Variants in EPHA5 observed in about 807,000 individuals in gnomAD.
EPHA5 encodes EPH receptor A5, also known as ephrin type-A receptor 5.
A neutral mutation model predicts 105.0 loss-of-function variants in EPHA5; 60 were observed. The observed-to-expected ratio is 0.57, with a 90% CI of 0.46 to 0.71. The LOEUF is 0.71. Ranked by LOEUF, EPHA5 falls within the 30% of genes least tolerant of loss-of-function variation. The pLI is 0.00. For synonymous variants in EPHA5, 513 were observed against 449.1 expected, an observed-to-expected ratio of 1.14 and a Z score of -1.80; for missense variants, 1,218 against 1,274.7, an observed-to-expected ratio of 0.96 and a Z score of 0.68.
At chr4:65,335,827 T>G in intron 15 of EPHA5, 105 bp downstream of exon 15, 3 of 1,169,984 alleles carry the variant, frequency 2.6e-6, no homozygotes, top group Non-Finnish European at 3.6e-6. Flanking sequence ...GTCATATAGA[T>G]TCACAGATTA....
In EPHA5 at chr4:65,319,886, T is replaced by C. The variant is rs1282115059; in HGVS notation, c.*4228A>G. The stretch of plus-strand genomic sequence containing the variant: ...ACTTTTAAATAATTGACTGTAAAAC[T>C]ACAGCAGCCTAAAGAGTCATAGATA... On this transcript the variant is annotated 3_prime_UTR_variant, in exon 17 of 17. Transcript: ENST00000613740. 1 of 229,986 alleles carries C rather than the reference T, an allele frequency of 4.3e-6. No individual in the cohort carries two copies. Among genetic ancestry groups the C allele is most frequent in the Admixed American group, 5.7e-5 (1 of 17,622 alleles). 14.2% of individuals were successfully genotyped at this position (229,986 alleles called of 1,614,324 possible).
At chr4:65,553,886 A>G (rs1277898614) in intron 3 of EPHA5, among the ~76,000 whole-genome samples, 3 of 152,042 alleles carry the variant, frequency 2.0e-5, no homozygotes, top group Admixed American at 1.3e-4. Context: ...GCCGCATCCT[A>G]ATAGAAAACT....
chr4:65,547,190 C>G (rs1560679680), intron 3 of EPHA5, among the ~76,000 whole-genome samples: 1 of 151,592 alleles, frequency 6.6e-6, no homozygotes, highest in Admixed American at 6.6e-5. Context: ...ATGGCAATGA[C>G]AGGGCATTCT....
chr4:65,508,120 T>C (rs1018218645), intron 3 of EPHA5, among the ~76,000 whole-genome samples: 2 of 152,130 alleles, frequency 1.3e-5, no homozygotes, highest in Non-Finnish European at 2.9e-5. Context: ...GCAATATTTG[T>C]GTTAACATGA....
At chr4:65,515,203 T>C (rs994610466) in intron 3 of EPHA5, among the ~76,000 whole-genome samples, 5 of 152,180 alleles carry the variant, frequency 3.3e-5, no homozygotes, top group African/African-American at 9.7e-5. Context: ...CCTCTGTCAC[T>C]TTATCTATTA....
chr4:65,545,079 G>C (rs756584447), intron 3 of EPHA5, among the ~76,000 whole-genome samples: 1 of 151,746 alleles, frequency 6.6e-6, no homozygotes, highest in Non-Finnish European at 1.5e-5. Context: ...AACTACCATG[G>C]GGGCTATTGT....
intron 3 of EPHA5, among the ~76,000 whole-genome samples, chr4:65,580,527 G>GT (rs1741510253): frequency 1.3e-5 from 2 of 151,820 alleles, no homozygotes; most frequent in Non-Finnish European, 2.9e-5. Flanking sequence ...TTCAAGGGTG[G>GT]TAGAATATTT....
rs372979484 is a variant in EPHA5 at position 65,603,610 on chromosome 4, GGCTCC to G, written c.247-1311_247-1307del. Among the ~76,000 whole-genome samples the G allele has an allele frequency of 6.9e-3, 1,048 of 152,226 alleles. 14 individuals are homozygous for G. The highest frequency in any genetic ancestry group is 0.024 in the African/African-American group (986 of 41,552). On this transcript the variant is annotated intron_variant, in intron 2 of 16. Coordinates refer to ENST00000613740, the MANE Select transcript of EPHA5 (RefSeq NM_001281766.3). ...TGCAAATAAATCTTATACATCAGAT[GGCTCC>G]TCTCGAAATCTAGCTGCAACATCAG...
At chr4:65,364,606 A>C (rs983877685) in intron 11 of EPHA5, among the ~76,000 whole-genome samples, 1 of 151,646 alleles carries the variant, frequency 6.6e-6, no homozygotes, top group African/African-American at 2.4e-5. Flanking sequence ...GAACCTGGCC[A>C]TAAAGAACTG....
At chr4:65,399,867 T>C (rs757119116) in intron 8 of EPHA5, among the ~76,000 whole-genome samples, 138 of 152,220 alleles carry the variant, frequency 9.1e-4, no homozygotes, top group Non-Finnish European at 1.4e-3. Flanking sequence ...TTGAGAAAGG[T>C]TCCAAAAAGA....
chr4:65,574,615 T>C (rs977189860), intron 3 of EPHA5, among the ~76,000 whole-genome samples: 16 of 125,968 alleles, frequency 1.3e-4, no homozygotes, highest in South Asian at 7.1e-4. Context: ...TATATATACA[T>C]ATATATATAT....
At chr4:65,523,762 A>C (rs1474029925) in intron 3 of EPHA5, among the ~76,000 whole-genome samples, 1 of 151,936 alleles carries the variant, frequency 6.6e-6, no homozygotes, top group African/African-American at 2.4e-5. Flanking sequence ...TGCTTCTAGC[A>C]TCTCCTGAGT....
chr4:65,553,049 A>T (rs1201829227), intron 3 of EPHA5, among the ~76,000 whole-genome samples: 1 of 152,058 alleles, frequency 6.6e-6, no homozygotes, highest in Non-Finnish European at 1.5e-5. Context: ...GAGACAATGA[A>T]AATCACAGTT....
chr4:65,453,697 C>T lies in EPHA5; in HGVS notation c.1403-33132G>A, dbSNP rs534910767. ...GCTCCCCCGACCAGTGCTAGTAGTC[C>T]ACTGTGCTTGTGGATAGCCCACCCC... is the stretch of plus-strand genomic sequence containing the variant. On this transcript the variant is annotated intron_variant, in intron 5 of 16. Coordinates refer to ENST00000613740, the MANE Select transcript of EPHA5 (RefSeq NM_001281766.3). Among the ~76,000 whole-genome samples, 95 of 152,272 alleles carry T rather than the reference C, an allele frequency of 6.2e-4. 1 individual carries two copies. In the South Asian group the frequency reaches 9.7e-3, roughly 16 times the overall value.
intron 16 of EPHA5, among the ~76,000 whole-genome samples, chr4:65,325,539 C>A (rs758979986): frequency 2.1e-4 from 32 of 151,048 alleles, no homozygotes; most frequent in South Asian, 4.2e-4. Context: ...AAACAGTAAG[C>A]TTAAAAATTA....
At chr4:65,412,477 ACT>A (rs1453796541) in intron 7 of EPHA5, among the ~76,000 whole-genome samples, 1 of 152,136 alleles carries the variant, frequency 6.6e-6, no homozygotes, top group African/African-American at 2.4e-5. Flanking sequence ...TCTAATAGAT[ACT>A]CTCTACAAAT....
chr4:65,414,925 G>A (rs1033866162), intron 6 of EPHA5, among the ~76,000 whole-genome samples: 5 of 152,094 alleles, frequency 3.3e-5, no homozygotes, highest in Non-Finnish European at 7.4e-5. Flanking sequence ...AGTTCTTAAG[G>A]TAAGAAATTA....
intron 5 of EPHA5, among the ~76,000 whole-genome samples, chr4:65,447,514 A>G (rs1726666512): frequency 6.6e-6 from 1 of 150,912 alleles, no homozygotes; most frequent in Non-Finnish European, 1.5e-5. Context: ...ATTTTTTCCT[A>G]ATTCTGAAGC....
chr4:65,354,245 T>G (rs1171853379), intron 11 of EPHA5, among the ~76,000 whole-genome samples: 1 of 151,806 alleles, frequency 6.6e-6, no homozygotes, highest in Non-Finnish European at 1.5e-5. Context: ...CAACTTTGTG[T>G]GTTAGCTTCC....
Sources: gnomAD v4.1 joint callset for allele counts (sites outside exome capture counted in the v4.1 genomes callset) on GRCh38, gnomAD v4.1.1 for gene constraint, MANE v1.5 for transcripts, NCBI Gene and HGNC (gene_info 2026-07-23, HGNC 2026-07-21) for gene names.